METTL25: variants seen among roughly 807,000 people sequenced by gnomAD.
The protein encoded by METTL25 is probable methyltransferase-like protein 25.
Under a neutral mutation model 71.6 loss-of-function variants are expected in METTL25, and 64 were observed. The ratio of observed to expected loss-of-function variants is 0.89; its 90% CI spans 0.73 to 1.10. The LOEUF is 1.10. Among genes scored for constraint, METTL25 ranks in the 50% least tolerant of loss-of-function variants. METTL25 has a pLI of 0.00. For synonymous variants in METTL25, 287 were observed against 250.3 expected (o/e 1.15, Z -1.38); for missense variants, 807 against 707.0 (o/e 1.14, Z -1.60).
chr12:82,434,800 T>C, intron 7 of METTL25, 76 bp downstream of exon 7: 1 of 1,159,796 alleles, frequency 8.6e-7, no homozygotes, highest in Non-Finnish European at 1.3e-6. Flanking sequence ...GCTGATGAAC[T>C]TAAAACCTAA....
intron 1 of METTL25, among the ~76,000 whole-genome samples, chr12:82,374,995 CTG>C (rs1443966937): frequency 6.6e-6 from 1 of 152,032 alleles, no homozygotes; most frequent in Non-Finnish European, 1.5e-5. Flanking sequence ...TGCTTGGTGA[CTG>C]TTTATATAAA....
chr12:82,403,261 T>C, intron 5 of METTL25, 131 bp downstream of exon 5: 1 of 795,062 alleles, frequency 1.3e-6, no homozygotes, highest in Non-Finnish European at 2.0e-6. Flanking sequence ...AACATCTGAC[T>C]TACTTGCACT....
At chr12:82,413,312 C>CT (rs1365620899) in intron 5 of METTL25, among the ~76,000 whole-genome samples, 3 of 151,986 alleles carry the variant, frequency 2.0e-5, no homozygotes, top group Non-Finnish European at 4.4e-5. Flanking sequence ...ACTCAGCAAA[C>CT]TAAGTATGCA....
intron 1 of METTL25, among the ~76,000 whole-genome samples, chr12:82,376,785 G>A (rs1283668498): frequency 1.3e-5 from 2 of 152,184 alleles, no homozygotes; most frequent in East Asian, 3.9e-4. Context: ...TTTTGGAGGG[G>A]GAGAGTCATT....
At chr12:82,417,862 C>T (rs1888125841) in intron 5 of METTL25, among the ~76,000 whole-genome samples, 1 of 152,032 alleles carries the variant, frequency 6.6e-6, no homozygotes, top group Non-Finnish European at 1.5e-5. Flanking sequence ...GTTGAGCAGA[C>T]AGTTGAAAGA....
intron 1 of METTL25, 150 bp from the exon 2 acceptor site, chr12:82,386,653 T>C: frequency 1.6e-6 from 1 of 611,506 alleles, no homozygotes; most frequent in Non-Finnish European, 2.8e-6. Context: ...TAAATATAAA[T>C]GGAGCCATTA....
At chr12:82,467,463 G>T (rs1260002375) in intron 9 of METTL25, among the ~76,000 whole-genome samples, 1 of 152,010 alleles carries the variant, frequency 6.6e-6, no homozygotes, top group Non-Finnish European at 1.5e-5. Flanking sequence ...CAGTCTAAGG[G>T]CGATGAATTC....
At chr12:82,359,180 C>T (rs1881430191) in intron 1 of METTL25, among the ~76,000 whole-genome samples, 1 of 152,136 alleles carries the variant, frequency 6.6e-6, no homozygotes, top group African/African-American at 2.4e-5. Flanking sequence ...GATTACTCAA[C>T]AGTTAATAAA....
intron 1 of METTL25, among the ~76,000 whole-genome samples, chr12:82,366,545 A>T (rs1882591257): frequency 6.6e-6 from 1 of 151,964 alleles, no homozygotes; most frequent in Non-Finnish European, 1.5e-5. Context: ...TATGTCCATG[A>T]TAGATTATTC....
chr12:82,437,358 A>G (rs1889993456), intron 7 of METTL25, among the ~76,000 whole-genome samples: 1 of 151,674 alleles, frequency 6.6e-6, no homozygotes. Context: ...CATCCCCACT[A>G]TTCCTGCTTT....
At chr12:82,424,394 G>T (rs1888810224) in intron 5 of METTL25, among the ~76,000 whole-genome samples, 4 of 152,084 alleles carry the variant, frequency 2.6e-5, no homozygotes, top group African/African-American at 9.7e-5. Context: ...TGTGGGGTGG[G>T]GGAAGGGGGG....
intron 1 of METTL25, among the ~76,000 whole-genome samples, chr12:82,371,613 A>G (rs1401253626): frequency 1.3e-5 from 2 of 152,076 alleles, no homozygotes; most frequent in African/African-American, 2.4e-5. Context: ...CCTATTATAG[A>G]ACACCAAGAT....
At chr12:82,370,029 A>G (rs539933569) in intron 1 of METTL25, among the ~76,000 whole-genome samples, 1 of 152,132 alleles carries the variant, frequency 6.6e-6, no homozygotes, top group South Asian at 2.1e-4. Flanking sequence ...CCAGAGGCCC[A>G]GCTGGCTTCA....
chr12:82,399,853 G>A (rs1024490992), intron 4 of METTL25, among the ~76,000 whole-genome samples: 76 of 151,422 alleles, frequency 5.0e-4, no homozygotes, highest in African/African-American at 1.7e-3. Context: ...GTCAGTTTAT[G>A]TAATTGAAAG....
Position 82,477,331 on chromosome 12 carries a change from A to G in METTL25, c.1698A>G (p.Arg566=). The G allele has an allele frequency of 6.4e-7, 1 of 1,563,856 alleles. No individual in the cohort carries two copies. ...PCIETLILLD[R]LCYLKEQEDI... is the part of the protein sequence containing the mutation. The stretch of plus-strand genomic sequence containing the variant: ...TAGAGACTTTGATTCTTCTGGATCG[A>G]CTTTGTTACCTGAAAGAGCAGGTAA... Residue 566 remains arginine, a synonymous_variant, in exon 11 of 12, where the codon CGA becomes CGG. Coordinates refer to ENST00000248306, the MANE Select transcript of METTL25 (RefSeq NM_032230.3).
chr12:82,422,298 A>G (rs1307106423), intron 5 of METTL25, among the ~76,000 whole-genome samples: 1 of 152,196 alleles, frequency 6.6e-6, no homozygotes, highest in Non-Finnish European at 1.5e-5. Context: ...GACAAAAACC[A>G]CATGATTATC....
At chr12:82,365,854 G>A (rs965665513) in intron 1 of METTL25, among the ~76,000 whole-genome samples, 2 of 152,024 alleles carry the variant, frequency 1.3e-5, no homozygotes, top group Non-Finnish European at 2.9e-5. Context: ...AGGCCGAGGC[G>A]GGGGGATCAC....
At chr12:82,443,044 T>C (rs1890469928) in intron 8 of METTL25, among the ~76,000 whole-genome samples, 1 of 150,934 alleles carries the variant, frequency 6.6e-6, no homozygotes, top group African/African-American at 2.4e-5. Flanking sequence ...AAACAAAGAC[T>C]AAGAGCTATG....
intron 8 of METTL25, among the ~76,000 whole-genome samples, 162 bp from the exon 9 acceptor site, chr12:82,456,565 A>T (rs139270845): frequency 4.6e-5 from 7 of 152,138 alleles, no homozygotes; most frequent in African/African-American, 1.7e-4. Flanking sequence ...ACATTATAAC[A>T]TGTAACTTTA....
Sources: allele counts gnomAD v4.1 joint callset (sites outside exome capture counted in the v4.1 genomes callset), GRCh38; gene constraint gnomAD v4.1.1; transcripts MANE v1.5; gene names NCBI Gene and HGNC (gene_info 2026-07-23, HGNC 2026-07-21).